The following ARHGEF12 variants were observed in gnomAD, a reference collection of about 807,000 sequenced individuals.
ARHGEF12 encodes the protein KMT2A/ARHGEF12 fusion protein.
A neutral mutation model predicts 211.2 loss-of-function variants in ARHGEF12; 66 were observed. The ratio of observed to expected loss-of-function variants is 0.31; its 90% confidence interval spans 0.26 to 0.38. The LOEUF is 0.38. Ranked by LOEUF, ARHGEF12 falls within the 10% of genes least tolerant of loss-of-function variation. The pLI is 1.00. For synonymous variants in ARHGEF12, 592 were observed against 638.4 expected, an observed-to-expected ratio of 0.93 and a Z score of 1.09; for missense variants, 1,429 against 1,869.5, an observed-to-expected ratio of 0.76 and a Z score of 4.34.
At chr11:120,343,061 AT>A (rs35952422) in intron 1 of ARHGEF12, among the ~76,000 whole-genome samples, 66,397 of 150,326 alleles carry the variant, frequency 0.44, 15,175 homozygotes, top group African/African-American at 0.57. Flanking sequence ...GCTTAGCAGT[AT>A]TTTTTTTTTC....
rs1214674064 is a variant in ARHGEF12, at chr11:120,467,105, G to T, written c.2740-89G>T. ...AGATCTTGATTTAATAACCAGAACTGTGATGCATTAAACCCTCACGGTGAA... is the reference window on the plus strand; with the variant it reads ...AGATCTTGATTTAATAACCAGAACTTTGATGCATTAAACCCTCACGGTGAA... On this transcript the variant is annotated intron_variant, in intron 28 of 40. Transcript: ENST00000397843. The T allele has an allele frequency of 6.6e-6, 5 of 756,368 alleles. No individual in the cohort carries two copies. In the East Asian group the frequency reaches 1.0e-4, roughly 16 times the overall value. The allele number at this position is 756,368 out of a possible 1,614,324, so 46.9% of individuals were successfully genotyped here.
At chr11:120,437,458 G>A in intron 12 of ARHGEF12, 76 bp downstream of exon 12, 1 of 968,516 alleles carries the variant, frequency 1.0e-6, no homozygotes, top group Non-Finnish European at 1.5e-6. Context: ...AGACACATCT[G>A]ATGTTTACAT....
At chr11:120,371,673 A>T (rs1184279478) in intron 1 of ARHGEF12, among the ~76,000 whole-genome samples, 1 of 152,232 alleles carries the variant, frequency 6.6e-6, no homozygotes, top group Admixed American at 6.5e-5. Flanking sequence ...TATTACAGTG[A>T]GATCAGTGCA....
rs1403908390 is a variant in ARHGEF12, at chr11:120,489,435, A to G, written c.*4358A>G. The G allele has an allele frequency of 8.9e-6, 2 of 224,356 alleles. No homozygotes were observed. Among genetic ancestry groups the G allele is most frequent in the African/African-American group, 4.5e-5 (2 of 44,844 alleles). 13.9% of individuals were successfully genotyped at this position (224,356 alleles called of 1,614,324 possible). On this transcript the variant is annotated 3_prime_UTR_variant, in exon 41 of 41. Coordinates refer to ENST00000397843, the MANE Select transcript of ARHGEF12 (RefSeq NM_015313.3). The stretch of plus-strand genomic sequence containing the variant: ...GCCAGCTTTTATGACGCACCTGAAG[A>G]TAACTTTGGTTTTAATCCTACCCTA...
intron 4 of ARHGEF12, among the ~76,000 whole-genome samples, chr11:120,419,836 A>C (rs868152853): frequency 5.9e-5 from 9 of 152,004 alleles, no homozygotes; most frequent in African/African-American, 2.2e-4. Flanking sequence ...TACCTGTTTT[A>C]TATATTGACT....
intron 1 of ARHGEF12, among the ~76,000 whole-genome samples, chr11:120,368,413 G>A (rs1463719162): frequency 2.0e-5 from 3 of 152,232 alleles, no homozygotes; most frequent in East Asian, 1.9e-4. Flanking sequence ...AAAGTGCTGG[G>A]ATTACAGACG....
intron 1 of ARHGEF12, among the ~76,000 whole-genome samples, chr11:120,367,367 T>TCC (rs1272014370): frequency 4.0e-4 from 49 of 121,764 alleles, no homozygotes; most frequent in African/African-American, 1.6e-3. Context: ...TTTTTTTTTT[T>TCC]TTTTTTTTTT....
At position 120,478,390 on chromosome 11, in the gene ARHGEF12, G is replaced by C. The variant is rs1204222946; in HGVS notation, c.3766+1G>C. The C allele has an allele frequency of 2.9e-5, 46 of 1,613,176 alleles. No homozygotes were observed. The highest frequency in any genetic ancestry group is 3.9e-5 in the Non-Finnish European group (46 of 1,179,274). On this transcript the variant is annotated splice_donor_variant, in intron 37 of 40. Coordinates refer to ENST00000397843, the MANE Select transcript of ARHGEF12 (RefSeq NM_015313.3). LOFTEE classifies it high-confidence loss of function. Reference sequence around the variant, plus strand: ...TGGGCATTGGATGCACTAAGAAATTGTAAGTTTTATTCATAACTTATTACA... The same window carrying C: ...TGGGCATTGGATGCACTAAGAAATTCTAAGTTTTATTCATAACTTATTACA...
chr11:120,435,166 A>T (rs1041606820), intron 11 of ARHGEF12, among the ~76,000 whole-genome samples: 1 of 152,082 alleles, frequency 6.6e-6, no homozygotes, highest in African/African-American at 2.4e-5. Flanking sequence ...AAGTCTTTAT[A>T]ATTTATAATA....
chr11:120,424,324 G>T (rs1447030392), intron 6 of ARHGEF12, 34 bp from the exon 7 acceptor site: 1 of 1,528,488 alleles, frequency 6.5e-7, no homozygotes, highest in South Asian at 1.1e-5. Context: ...TCAATAGAAT[G>T]TATCTGACAT....
At chr11:120,337,482 C>A (rs992788014) in intron 1 of ARHGEF12, 3 of 985,388 alleles carry the variant, frequency 3.0e-6, no homozygotes, top group Non-Finnish European at 3.6e-6. Context: ...AGAGAAACTT[C>A]CCTTCCGATT....
chr11:120,429,385 A>T, intron 8 of ARHGEF12, 55 bp from the exon 9 acceptor site: 1 of 1,421,078 alleles, frequency 7.0e-7, no homozygotes. Context: ...TATTTATTTT[A>T]GCTTCATTTT....
intron 7 of ARHGEF12, among the ~76,000 whole-genome samples, chr11:120,426,012 A>G (rs1293040647): frequency 2.6e-5 from 4 of 152,168 alleles, no homozygotes; most frequent in Admixed American, 2.0e-4. Context: ...TTTTACTGCT[A>G]TGTTAAGCAA....
In ARHGEF12 at chr11:120,488,552, CT is replaced by C; in HGVS notation, c.*3476del. ...TGCCTTATTCCTTATGCCTTCCCCACTGGTATTGAGGGTTTTGATAATAAAT... is the reference window on the plus strand; with the variant it reads ...TGCCTTATTCCTTATGCCTTCCCCACGGTATTGAGGGTTTTGATAATAAAT... On this transcript the variant is annotated 3_prime_UTR_variant, in exon 41 of 41. Transcript: ENST00000397843. The C allele has an allele frequency of 4.6e-6, 1 of 218,634 alleles. No individual in the cohort carries two copies. Among genetic ancestry groups the C allele is most frequent in the Non-Finnish European group, 9.2e-6 (1 of 108,802 alleles). The allele number at this position is 218,634 out of a possible 1,614,324, so 13.5% of individuals were successfully genotyped here. A position where few individuals can be genotyped will look rare whatever the true frequency, so the allele number is the denominator to read the frequency against.
chr11:120,379,223 ATTCT>A (rs1943812011), intron 1 of ARHGEF12, among the ~76,000 whole-genome samples: 1 of 151,972 alleles, frequency 6.6e-6, no homozygotes, highest in African/African-American at 2.4e-5. Flanking sequence ...TTAATTTTTA[ATTCT>A]TTATTAATAA....
rs1013360492 is a variant in ARHGEF12, at chr11:120,393,280, G to C, written c.33-12838G>C. On this transcript the variant is annotated intron_variant, in intron 1 of 40. Coordinates refer to ENST00000397843, the MANE Select transcript of ARHGEF12 (RefSeq NM_015313.3). ...AAAATAATTTAAAAGATGAAAAAGA[G>C]AAAAGGGAAACAACAGATGAGACAA... is the stretch of plus-strand genomic sequence containing the variant. Among the ~76,000 whole-genome samples, 10 of 151,986 alleles carry C rather than the reference G, an allele frequency of 6.6e-5. No homozygotes were observed. In the South Asian group the frequency reaches 1.5e-3, roughly 22 times the overall value.
chr11:120,395,552 T>G (rs781718708), intron 1 of ARHGEF12, among the ~76,000 whole-genome samples: 6 of 152,210 alleles, frequency 3.9e-5, no homozygotes, highest in Non-Finnish European at 5.9e-5. Context: ...TATCCGAGAC[T>G]GGGTAATTTA....
At chr11:120,401,765 A>AT (rs1944553730) in intron 1 of ARHGEF12, among the ~76,000 whole-genome samples, 2 of 152,204 alleles carry the variant, frequency 1.3e-5, no homozygotes, top group Admixed American at 1.3e-4. Flanking sequence ...AAGTTCAAGT[A>AT]TTGACATGAA....
At chr11:120,345,065 C>G (rs1942661794) in intron 1 of ARHGEF12, among the ~76,000 whole-genome samples, 2 of 152,202 alleles carry the variant, frequency 1.3e-5, no homozygotes, top group South Asian at 4.1e-4. Context: ...TAACACCTAG[C>G]AAGCTTGTCC....
Sources: allele counts gnomAD v4.1 joint callset (sites outside exome capture counted in the v4.1 genomes callset), GRCh38; gene constraint gnomAD v4.1.1; transcripts MANE v1.5; gene names NCBI Gene and HGNC (gene_info 2026-07-23, HGNC 2026-07-21).